PRKCQ: variants seen among roughly 807,000 people sequenced by gnomAD.
The protein encoded by PRKCQ is protein kinase C theta type.
A neutral mutation model predicts 91.2 loss-of-function variants in PRKCQ; 41 were observed. The ratio of observed to expected loss-of-function variants is 0.45; its 90% confidence interval spans 0.35 to 0.58. The LOEUF is 0.58. Among genes scored for constraint, PRKCQ ranks in the 20% least tolerant of loss-of-function variants. PRKCQ has a pLI of 0.00. For synonymous variants in PRKCQ, 307 were observed against 316.9 expected (o/e 0.97, Z 0.33); for missense variants, 673 against 896.5 (o/e 0.75, Z 3.18).
chr10:6,428,720 G>C (rs1418923043), intron 17 of PRKCQ, among the ~76,000 whole-genome samples: 2 of 152,190 alleles, frequency 1.3e-5, no homozygotes, highest in African/African-American at 4.8e-5. Context: ...TGGAACACAA[G>C]GTGGGGATAA....
intron 1 of PRKCQ, among the ~76,000 whole-genome samples, chr10:6,531,324 T>C (rs1278491211): frequency 6.6e-6 from 1 of 151,936 alleles, no homozygotes; most frequent in Non-Finnish European, 1.5e-5. Flanking sequence ...TCAGTGGTTC[T>C]CAGAGGGTGA....
At chr10:6,460,532 C>G (rs937049187) in intron 14 of PRKCQ, among the ~76,000 whole-genome samples, 17 of 151,804 alleles carry the variant, frequency 1.1e-4, no homozygotes, top group Non-Finnish European at 7.4e-5. Context: ...TGCTCTGTTG[C>G]CCAGGCTGGA....
chr10:6,478,113 A>G (rs1396625669), intron 12 of PRKCQ, among the ~76,000 whole-genome samples: 1 of 152,238 alleles, frequency 6.6e-6, no homozygotes, highest in Non-Finnish European at 1.5e-5. Context: ...AGAACAAAAA[A>G]TTAGAGATGT....
the PRKCQ span, among the ~76,000 whole-genome samples, chr10:6,418,403 G>A: frequency 0.019 from 2,961 of 152,246 alleles, 113 homozygotes; most frequent in African/African-American, 0.068. Flanking sequence ...CGGCTCTGAC[G>A]TCCCCAGGAG....
At chr10:6,407,769 A>G in the PRKCQ span, among the ~76,000 whole-genome samples, 1 of 151,958 alleles carries the variant, frequency 6.6e-6, no homozygotes, top group Non-Finnish European at 1.5e-5. The surrounding 1 kb of genome is among the most constrained non-coding windows in gnomAD (Gnocchi z 4.0). Context: ...CATTATCTAG[A>G]TTCAATTCAT....
At chr10:6,409,538 G>A in the PRKCQ span, among the ~76,000 whole-genome samples, 1 of 151,868 alleles carries the variant, frequency 6.6e-6, no homozygotes, top group Non-Finnish European at 1.5e-5. Context: ...TAAGTGCTCC[G>A]CCCGCCTCGG....
chr10:6,435,998 C>A (rs1387534928), intron 16 of PRKCQ, among the ~76,000 whole-genome samples: 1 of 152,168 alleles, frequency 6.6e-6, no homozygotes, highest in African/African-American at 2.4e-5. Context: ...CCTGTAGTCC[C>A]AGCTTCATGG....
intron 1 of PRKCQ, among the ~76,000 whole-genome samples, chr10:6,541,280 A>G (rs1839767029): frequency 6.6e-6 from 1 of 152,204 alleles, no homozygotes; most frequent in Non-Finnish European, 1.5e-5. Flanking sequence ...TCAGATCTGA[A>G]TTTGGCGTTG....
At chr10:6,397,451 T>C in the PRKCQ span, among the ~76,000 whole-genome samples, 30 of 152,344 alleles carry the variant, frequency 2.0e-4, no homozygotes, top group African/African-American at 7.0e-4. Flanking sequence ...GTAATATTTA[T>C]ATATTTTGTA....
At chr10:6,425,881 CCTGTTT>C (rs1230844498), downstream of PRKCQ, among the ~76,000 whole-genome samples, 2 of 152,106 alleles carry the variant, frequency 1.3e-5, no homozygotes, top group Non-Finnish European at 2.9e-5. Context: ...TGCGTTGGTT[CCTGTTT>C]CTAAGAGCCA....
the PRKCQ span, among the ~76,000 whole-genome samples, chr10:6,410,086 C>T: frequency 1.3e-5 from 2 of 152,082 alleles, no homozygotes; most frequent in Admixed American, 1.3e-4. Flanking sequence ...CACTGCTCAA[C>T]GAATGTCTCC....
the PRKCQ span, among the ~76,000 whole-genome samples, chr10:6,414,916 A>T: frequency 2.0e-5 from 3 of 152,164 alleles, no homozygotes; most frequent in African/African-American, 7.2e-5. Flanking sequence ...TTAAAGAAAT[A>T]ATGGCCTCCA....
chr10:6,527,563 A>T (rs988649934), intron 1 of PRKCQ, among the ~76,000 whole-genome samples: 4 of 152,136 alleles, frequency 2.6e-5, no homozygotes, highest in African/African-American at 9.7e-5. Context: ...TACGTTTGTA[A>T]AAGAAAATAA....
At chr10:6,480,870 C>T (rs1261277949) in intron 11 of PRKCQ, among the ~76,000 whole-genome samples, 1 of 152,180 alleles carries the variant, frequency 6.6e-6, no homozygotes, top group Non-Finnish European at 1.5e-5. Flanking sequence ...AGGGATGAAA[C>T]TTAGATGGGA....
intron 15 of PRKCQ, among the ~76,000 whole-genome samples, chr10:6,448,952 C>T (rs1378568834): frequency 6.6e-6 from 1 of 151,844 alleles, no homozygotes; most frequent in African/African-American, 2.4e-5. Context: ...TCATCAAAGA[C>T]CAAAAGTAGA....
chr10:6,467,056 T>C (rs1337889581), intron 12 of PRKCQ, among the ~76,000 whole-genome samples: 1 of 152,114 alleles, frequency 6.6e-6, no homozygotes, highest in African/African-American at 2.4e-5. Flanking sequence ...AATGAATCTC[T>C]GCATTGGTCC....
intron 1 of PRKCQ, among the ~76,000 whole-genome samples, chr10:6,527,235 A>G (rs1700326443): frequency 6.6e-6 from 1 of 152,224 alleles, no homozygotes; most frequent in South Asian, 2.1e-4. Flanking sequence ...TTGTATTTTC[A>G]GCAGCCAGGT....
the PRKCQ span, among the ~76,000 whole-genome samples, chr10:6,402,464 A>G: frequency 6.6e-6 from 1 of 151,228 alleles, no homozygotes; most frequent in Admixed American, 6.6e-5. Flanking sequence ...TGTACCCAAC[A>G]TGAAGGACAC....
chr10:6,569,428 T>G (rs1014099628), intron 1 of PRKCQ, among the ~76,000 whole-genome samples: 11 of 151,650 alleles, frequency 7.3e-5, no homozygotes, highest in African/African-American at 2.7e-4. Context: ...GAACCCGATG[T>G]GAGGGCTGGA....
Sources: allele counts gnomAD v4.1 joint callset (sites outside exome capture counted in the v4.1 genomes callset), GRCh38; gene constraint gnomAD v4.1.1; non-coding constraint Gnocchi (gnomAD v3.1); transcripts MANE v1.5; gene names NCBI Gene and HGNC (gene_info 2026-07-23, HGNC 2026-07-21).